The following CORO2A variants were observed in gnomAD, a reference collection of about 807,000 sequenced individuals.
CORO2A encodes coronin-2A.
Under a neutral mutation model 62.4 loss-of-function variants are expected in CORO2A, and 47 were observed. That is an observed-to-expected ratio of 0.75 (90% CI 0.60 to 0.96). CORO2A has a LOEUF of 0.96. Among genes scored for constraint, CORO2A ranks in the 40% least tolerant of loss-of-function variants. The pLI is 0.00. For synonymous variants in CORO2A, 273 were observed against 268.9 expected (o/e 1.02, Z -0.15); for missense variants, 610 against 684.1 (o/e 0.89, Z 1.21).
chr9:98,128,600 C>G lies in CORO2A; in HGVS notation c.1080+7G>C, dbSNP rs373619389. 4 of 1,612,782 alleles carry G rather than the reference C, an allele frequency of 2.5e-6. No individual in the cohort carries two copies. The highest frequency in any genetic ancestry group is 3.4e-6 in the Non-Finnish European group (4 of 1,178,864). Reference sequence around the variant, plus strand: ...CCTGCCTCCCATGCGGTCCCGACTGCCCTTACCCGCCGGGGCACAATCATG... The same window carrying G: ...CCTGCCTCCCATGCGGTCCCGACTGGCCTTACCCGCCGGGGCACAATCATG... On this transcript the variant is annotated splice_region_variant and intron_variant, in intron 9 of 11. Coordinates refer to ENST00000375077, the MANE Select transcript of CORO2A (RefSeq NM_052820.4).
rs1827254853 is a variant in CORO2A at position 98,122,368 on chromosome 9, A to T, written c.*2406T>A. 1 of 152,190 alleles carries T rather than the reference A, an allele frequency of 6.6e-6. No homozygotes were observed. The highest frequency in any genetic ancestry group is 6.5e-5 in the Admixed American group (1 of 15,270). The allele number at this position is 152,190 out of a possible 1,614,324, so 9.4% of individuals were successfully genotyped here. A position where few individuals can be genotyped will look rare whatever the true frequency, so the allele number is the denominator to read the frequency against. On this transcript the variant is annotated 3_prime_UTR_variant, in exon 12 of 12. Coordinates refer to ENST00000375077, the MANE Select transcript of CORO2A (RefSeq NM_052820.4). The stretch of plus-strand genomic sequence containing the variant: ...GTATTTCCTGCACGCTCCCAAGGGA[A>T]TTCTAATGTACACAGCTTGGGTTGA...
intron 2 of CORO2A, among the ~76,000 whole-genome samples, chr9:98,148,294 C>T (rs1020029003): frequency 6.7e-6 from 1 of 150,026 alleles, no homozygotes; most frequent in Non-Finnish European, 1.5e-5. Flanking sequence ...ACTTGGGAGG[C>T]TGAGGCAGGA....
intron 1 of CORO2A, among the ~76,000 whole-genome samples, chr9:98,165,151 G>A (rs1367083641): frequency 6.6e-6 from 1 of 152,072 alleles, no homozygotes; most frequent in Non-Finnish European, 1.5e-5. Flanking sequence ...GTAAAGACAG[G>A]GTTTCACTCT....
chr9:98,171,448 T>C lies in CORO2A; in HGVS notation c.1-13788A>G, dbSNP rs184735247. Among the ~76,000 whole-genome samples, 5 of 152,218 alleles carry C rather than the reference T, an allele frequency of 3.3e-5. No individual in the cohort carries two copies. In the East Asian group the frequency reaches 7.7e-4, roughly 24 times the overall value. On this transcript the variant is annotated intron_variant, in intron 1 of 11. Coordinates refer to ENST00000375077, the MANE Select transcript of CORO2A (RefSeq NM_052820.4). ...GAGCCTGATGCCATGCTGGGCACTG[T>C]AGGGGAGATGCATGGGCAGACCCAG...
intron 1 of CORO2A, among the ~76,000 whole-genome samples, chr9:98,187,096 T>A (rs772017084): frequency 1.3e-4 from 19 of 151,766 alleles, no homozygotes; most frequent in Non-Finnish European, 2.4e-4. Context: ...TGGCTAACAC[T>A]GTGAAACCCC....
At chr9:98,143,368 T>C (rs1426043654) in intron 2 of CORO2A, among the ~76,000 whole-genome samples, 1 of 152,154 alleles carries the variant, frequency 6.6e-6, no homozygotes, top group Non-Finnish European at 1.5e-5. Context: ...AACAGCATCA[T>C]AGTCATGGCC....
chr9:98,165,017 G>T (rs2118895264), intron 1 of CORO2A, among the ~76,000 whole-genome samples: 1 of 152,234 alleles, frequency 6.6e-6, no homozygotes, highest in East Asian at 1.9e-4. Flanking sequence ...TACCCAGGCT[G>T]GAGTGCAGAG....
At chr9:98,126,508 A>G in intron 11 of CORO2A, 41 bp downstream of exon 11, 1 of 1,592,896 alleles carries the variant, frequency 6.3e-7, no homozygotes, top group Middle Eastern at 1.7e-4. Context: ...CCTCCACCCC[A>G]GCTGCCCCAT....
chr9:98,148,691 G>T (rs1212691471), intron 2 of CORO2A, among the ~76,000 whole-genome samples: 1 of 151,648 alleles, frequency 6.6e-6, no homozygotes, highest in African/African-American at 2.4e-5. Flanking sequence ...CTTCAGGGCT[G>T]CAGTGAGATA....
chr9:98,179,746 T>C (rs1039558388), intron 1 of CORO2A, among the ~76,000 whole-genome samples: 11 of 152,200 alleles, frequency 7.2e-5, no homozygotes, highest in Admixed American at 6.5e-4. Context: ...GGCTCTTGCC[T>C]GTAATCCCAG....
intron 1 of CORO2A, among the ~76,000 whole-genome samples, chr9:98,174,063 C>T (rs982509632): frequency 6.6e-6 from 1 of 151,854 alleles, no homozygotes; most frequent in Admixed American, 6.6e-5. Flanking sequence ...GCCGAGATTG[C>T]GCCATTGCAC....
chr9:98,179,034 G>T (rs1018373879), intron 1 of CORO2A, among the ~76,000 whole-genome samples: 1 of 152,114 alleles, frequency 6.6e-6, no homozygotes, highest in Admixed American at 6.5e-5. Context: ...GCTCTTTACC[G>T]GTCCTTTTAC....
chr9:98,188,691 G>C lies in CORO2A; in HGVS notation c.-1+3868C>G, dbSNP rs1828268140. Among the ~76,000 whole-genome samples the C allele has an allele frequency of 2.0e-5, 3 of 152,136 alleles. No individual in the cohort carries two copies. The South Asian group carries it at 6.2e-4, about 32-fold the overall frequency. On this transcript the variant is annotated intron_variant, in intron 1 of 11. Coordinates refer to ENST00000375077, the MANE Select transcript of CORO2A (RefSeq NM_052820.4). Reference sequence around the variant, plus strand: ...AGGCATGAGAATCACTTGAACCCAGGAGGCAGAGGCGGAGGTTGCCGTGAG... The same window carrying C: ...AGGCATGAGAATCACTTGAACCCAGCAGGCAGAGGCGGAGGTTGCCGTGAG...
chr9:98,129,036 G>A (rs190799197), intron 8 of CORO2A, among the ~76,000 whole-genome samples: 41 of 152,264 alleles, frequency 2.7e-4, no homozygotes, highest in African/African-American at 9.1e-4. Flanking sequence ...GGGCTCAAGC[G>A]ATCCTCCTGC....
chr9:98,182,693 C>A (rs1229626188), intron 1 of CORO2A, among the ~76,000 whole-genome samples: 1 of 152,212 alleles, frequency 6.6e-6, no homozygotes, highest in African/African-American at 2.4e-5. Context: ...CCTCTCTGGG[C>A]TCCTGCCTCC....
chr9:98,139,005 C>T (rs1054195879), intron 2 of CORO2A, among the ~76,000 whole-genome samples: 3 of 149,924 alleles, frequency 2.0e-5, no homozygotes, highest in Admixed American at 1.3e-4. Flanking sequence ...CAAGATCATG[C>T]CACTGCACTA....
intron 11 of CORO2A, among the ~76,000 whole-genome samples, chr9:98,126,034 C>CTTT (rs11334821): frequency 8.8e-6 from 1 of 113,286 alleles, no homozygotes; most frequent in Non-Finnish European, 1.8e-5. Flanking sequence ...TCCCCACCAT[C>CTTT]TTTTTTTTTT....
At chr9:98,142,148 T>C (rs1827577004) in intron 2 of CORO2A, among the ~76,000 whole-genome samples, 1 of 152,270 alleles carries the variant, frequency 6.6e-6, no homozygotes, top group African/African-American at 2.4e-5. Flanking sequence ...ACTGTAGCTC[T>C]TGAAGGGCTC....
At chr9:98,158,034 T>G (rs1316849815) in intron 1 of CORO2A, among the ~76,000 whole-genome samples, 1 of 152,242 alleles carries the variant, frequency 6.6e-6, no homozygotes, top group Admixed American at 6.5e-5. Context: ...GGTACCAATG[T>G]GCTGTCTGGA....
Sources: allele counts gnomAD v4.1 joint callset (sites outside exome capture counted in the v4.1 genomes callset), GRCh38; gene constraint gnomAD v4.1.1; transcripts MANE v1.5; gene names NCBI Gene and HGNC (gene_info 2026-07-23, HGNC 2026-07-21).